Variants in UTRN observed in about 807,000 individuals in gnomAD.
UTRN encodes utrophin.
Under a neutral mutation model 463.9 loss-of-function variants are expected in UTRN, and 283 were observed. The observed-to-expected ratio is 0.61, with a 90% CI of 0.55 to 0.67. UTRN has a LOEUF of 0.67. Among genes scored for constraint, UTRN ranks in the 30% least tolerant of loss-of-function variants. The pLI, the probability that UTRN is intolerant of heterozygous loss-of-function variation, is 0.00. For synonymous variants in UTRN, 1,442 were observed against 1,431.5 expected (o/e 1.01, Z -0.17); for missense variants, 3,922 against 4,084.3 (o/e 0.96, Z 1.08).
chr6:144,466,984 C>G (rs1378047793), intron 23 of UTRN, among the ~76,000 whole-genome samples: 1 of 152,202 alleles, frequency 6.6e-6, no homozygotes, highest in Non-Finnish European at 1.5e-5. Flanking sequence ...TCTCTTCTCT[C>G]TGGAATTCAT....
At chr6:144,628,681 G>C (rs1480451990) in intron 51 of UTRN, among the ~76,000 whole-genome samples, 1 of 152,150 alleles carries the variant, frequency 6.6e-6, no homozygotes, top group South Asian at 2.1e-4. Context: ...CCAAAAGAAC[G>C]CATAGAAACA....
chr6:144,310,813 G>A (rs1228401800), intron 2 of UTRN, among the ~76,000 whole-genome samples: 3 of 152,218 alleles, frequency 2.0e-5, no homozygotes, highest in African/African-American at 7.2e-5. Flanking sequence ...AAACAAGTGT[G>A]CAATCCCTGA....
intron 51 of UTRN, among the ~76,000 whole-genome samples, chr6:144,663,460 G>A (rs1780085248): frequency 6.6e-6 from 1 of 151,748 alleles, no homozygotes; most frequent in Non-Finnish European, 1.5e-5. Context: ...ATGACTTTAG[G>A]GACTATTAAC....
intron 33 of UTRN, among the ~76,000 whole-genome samples, chr6:144,498,304 G>C (rs1202502776): frequency 6.6e-6 from 1 of 152,216 alleles, no homozygotes; most frequent in East Asian, 1.9e-4. Flanking sequence ...GAGGCTTTGT[G>C]AATTTTATTG....
intron 51 of UTRN, among the ~76,000 whole-genome samples, chr6:144,605,105 G>A (rs191765363): frequency 4.4e-4 from 67 of 152,140 alleles, no homozygotes; most frequent in Non-Finnish European, 7.2e-4. Context: ...AATTACTAAT[G>A]AACACAGATC....
chr6:144,378,159 T>C (rs1780617787), intron 2 of UTRN, among the ~76,000 whole-genome samples: 1 of 152,224 alleles, frequency 6.6e-6, no homozygotes, highest in African/African-American at 2.4e-5. Flanking sequence ...GTGGATCATC[T>C]TGATGATGAT....
rs1008689220 is a variant in UTRN, at chr6:144,653,614, C to T, written c.7480-24792C>T. On this transcript the variant is annotated intron_variant, in intron 51 of 74. Coordinates refer to ENST00000367545, the MANE Select transcript of UTRN (RefSeq NM_007124.3). The stretch of plus-strand genomic sequence containing the variant: ...AAAAAAAAAAAAAGAAATTATCTCT[C>T]TTTTCCATAGTTGTACAGCATTTCA... 7.3e-5 allele frequency among the ~76,000 whole-genome samples: 11 copies of T among 151,636 alleles called. No homozygotes were observed. In the South Asian group the frequency reaches 2.3e-3, roughly 32 times the overall value.
chr6:144,492,518 TC>T (rs556770939), intron 32 of UTRN, among the ~76,000 whole-genome samples: 1 of 152,340 alleles, frequency 6.6e-6, no homozygotes, highest in African/African-American at 2.4e-5. Flanking sequence ...ACGATTATCC[TC>T]CTTTACTTAT....
intron 2 of UTRN, among the ~76,000 whole-genome samples, chr6:144,357,944 G>A (rs749810176): frequency 5.3e-5 from 8 of 152,184 alleles, no homozygotes; most frequent in Admixed American, 1.3e-4. Context: ...CTCCCTCCCC[G>A]CCATCTTGTC....
intron 32 of UTRN, among the ~76,000 whole-genome samples, chr6:144,492,113 A>T (rs1793130659): frequency 6.6e-6 from 1 of 152,124 alleles, no homozygotes; most frequent in Non-Finnish European, 1.5e-5. Context: ...CTTCGACTGA[A>T]CCCATCACCC....
chr6:144,313,374 GAA>G (rs1429088293), intron 2 of UTRN, among the ~76,000 whole-genome samples: 56 of 150,794 alleles, frequency 3.7e-4, no homozygotes, highest in African/African-American at 1.3e-3. Context: ...AAAAAGAAAA[GAA>G]AATAGAAAGG....
chr6:144,712,471 G>A (rs528202709), intron 53 of UTRN, among the ~76,000 whole-genome samples: 2 of 152,154 alleles, frequency 1.3e-5, no homozygotes, highest in African/African-American at 4.8e-5. Context: ...TAAAACCAAT[G>A]AACCCTTTTG....
At chr6:144,811,748 A>AC (rs1778633852) in intron 65 of UTRN, among the ~76,000 whole-genome samples, 1 of 151,858 alleles carries the variant, frequency 6.6e-6, no homozygotes, top group African/African-American at 2.4e-5. Context: ...TTAAAAAAAA[A>AC]AAACCTGTTA....
At chr6:144,791,347 T>C (rs1408534820) in intron 62 of UTRN, among the ~76,000 whole-genome samples, 2 of 152,178 alleles carry the variant, frequency 1.3e-5, no homozygotes, top group African/African-American at 4.8e-5. Context: ...GAATATTCCT[T>C]GTTTAGTTTC....
chr6:144,471,194 G>T (rs60102433), intron 23 of UTRN, among the ~76,000 whole-genome samples: 2,932 of 152,060 alleles, frequency 0.019, 110 homozygotes, highest in African/African-American at 0.067. Flanking sequence ...GCCCTGATGG[G>T]TCTGCGTGTA....
intron 53 of UTRN, among the ~76,000 whole-genome samples, chr6:144,709,567 T>G (rs1338760420): frequency 6.6e-6 from 1 of 152,160 alleles, no homozygotes; most frequent in Non-Finnish European, 1.5e-5. Flanking sequence ...GAAAGGGACC[T>G]TGTACTTGAT....
At chr6:144,674,825 C>G (rs996957072) in intron 51 of UTRN, among the ~76,000 whole-genome samples, 1 of 152,190 alleles carries the variant, frequency 6.6e-6, no homozygotes, top group Non-Finnish European at 1.5e-5. Context: ...TCCCAAAGTA[C>G]TGGGATTACT....
intron 54 of UTRN, among the ~76,000 whole-genome samples, chr6:144,735,253 GGA>G (rs1394900830): frequency 3.3e-5 from 5 of 152,178 alleles, no homozygotes; most frequent in Non-Finnish European, 7.3e-5. Flanking sequence ...GGGTCAGAGT[GGA>G]GAGAGGTTGA....
At chr6:144,735,878 G>A (rs1562839296) in intron 54 of UTRN, among the ~76,000 whole-genome samples, 1 of 151,560 alleles carries the variant, frequency 6.6e-6, no homozygotes. Flanking sequence ...GGGCACACAT[G>A]TTTCAAATCC....
Sources: gnomAD v4.1 joint callset for allele counts (sites outside exome capture counted in the v4.1 genomes callset) on GRCh38, gnomAD v4.1.1 for gene constraint, MANE v1.5 for transcripts, NCBI Gene and HGNC (gene_info 2026-07-23, HGNC 2026-07-21) for gene names.